LHFPL3: variants seen among roughly 807,000 people sequenced by gnomAD.
LHFPL3 encodes LHFPL tetraspan subfamily member 3 protein.
A neutral mutation model predicts 19.3 loss-of-function variants in LHFPL3; 5 were observed. The observed-to-expected ratio is 0.26, with a 90% CI of 0.14 to 0.54. The LOEUF is 0.54. LHFPL3 is among the 20% of genes least tolerant of loss of function. The probability of loss-of-function intolerance (pLI) is 0.94; values close to 1 mark genes in which losing one functional copy is unlikely to be tolerated. For missense variants in LHFPL3, 249 were observed against 307.4 expected (o/e 0.81, Z 1.42); for synonymous variants, 133 against 126.2 (o/e 1.05, Z -0.36).
Position 104,399,737 on chromosome 7 carries a change from G to T in LHFPL3, c.445+70513G>T, listed in dbSNP as rs1158828695. Among the ~76,000 whole-genome samples the T allele has an allele frequency of 6.6e-6, 1 of 150,678 alleles. No individual in the cohort carries two copies. Among genetic ancestry groups the T allele is most frequent in the Non-Finnish European group, 1.5e-5 (1 of 67,824 alleles). On this transcript the variant is annotated intron_variant, in intron 1 of 2. Coordinates refer to ENST00000424859, the MANE Select transcript of LHFPL3 (RefSeq NM_199000.3). The surrounding 1 kb of genome is among the most constrained non-coding windows in gnomAD (Gnocchi z 4.4). ...TCCGCCCACCTCGGCCTCCCAAAGT[G>T]CTGGGATTACAGTTGTAAGCCACTG...
At chr7:104,353,407 A>G (rs571162633) in intron 1 of LHFPL3, among the ~76,000 whole-genome samples, 4 of 152,342 alleles carry the variant, frequency 2.6e-5, no homozygotes, top group African/African-American at 9.6e-5. Flanking sequence ...ACATTCTGTC[A>G]CTGAATCACA....
intron 1 of LHFPL3, among the ~76,000 whole-genome samples, chr7:104,687,375 T>C (rs1792826406): frequency 6.6e-6 from 1 of 152,194 alleles, no homozygotes. Flanking sequence ...TTTTGGGTTT[T>C]TATAGAGGCC....
intron 1 of LHFPL3, among the ~76,000 whole-genome samples, chr7:104,456,838 C>T (rs1487962000): frequency 6.6e-6 from 1 of 152,052 alleles, no homozygotes; most frequent in Non-Finnish European, 1.5e-5. Flanking sequence ...GATTCATGTC[C>T]CAAGGTGTGA....
chr7:104,659,396 C>T (rs537761460), intron 1 of LHFPL3, among the ~76,000 whole-genome samples: 1 of 152,204 alleles, frequency 6.6e-6, no homozygotes, highest in Non-Finnish European at 1.5e-5. Flanking sequence ...AAGATGGGAT[C>T]CAGACTTCCA....
At chr7:104,779,937 A>G (rs984586039) in intron 2 of LHFPL3, among the ~76,000 whole-genome samples, 1 of 152,110 alleles carries the variant, frequency 6.6e-6, no homozygotes. Context: ...CTAAACTTTA[A>G]TCTATGTGAT....
chr7:104,345,009 G>T (rs1334584250), intron 1 of LHFPL3, among the ~76,000 whole-genome samples: 2 of 152,124 alleles, frequency 1.3e-5, no homozygotes, highest in African/African-American at 2.4e-5. Flanking sequence ...ACGTTTAATA[G>T]AGTTATCTCA....
chr7:104,539,267 A>G (rs888218173), intron 1 of LHFPL3, among the ~76,000 whole-genome samples: 1 of 152,214 alleles, frequency 6.6e-6, no homozygotes, highest in African/African-American at 2.4e-5. Flanking sequence ...GGAATGGAGA[A>G]CCCAAAGTTA....
intron 1 of LHFPL3, among the ~76,000 whole-genome samples, chr7:104,462,293 T>C (rs1244205092): frequency 6.6e-6 from 1 of 152,200 alleles, no homozygotes; most frequent in Non-Finnish European, 1.5e-5. Context: ...ATAGGAGTTG[T>C]AGGAGAGGGC....
Position 104,641,811 on chromosome 7 carries a change from T to C in LHFPL3, c.446-94864T>C, listed in dbSNP as rs529086732. Among the ~76,000 whole-genome samples the C allele has an allele frequency of 7.9e-5, 12 of 152,290 alleles. No individual in the cohort carries two copies. In the South Asian group the frequency reaches 2.5e-3, roughly 32 times the overall value. On this transcript the variant is annotated intron_variant, in intron 1 of 2. Coordinates refer to ENST00000424859, the MANE Select transcript of LHFPL3 (RefSeq NM_199000.3). ...AAGATTCGGTTCTATCAGAACTTCA[T>C]TTTATTATTTATAGGTATAGAAAAA...
intron 1 of LHFPL3, among the ~76,000 whole-genome samples, chr7:104,412,817 T>G (rs1243695166): frequency 1.3e-5 from 2 of 152,174 alleles, no homozygotes; most frequent in African/African-American, 4.8e-5. Context: ...TTGTTTACCA[T>G]AAGCAATCCT....
chr7:104,780,071 C>A (rs2116420759), intron 2 of LHFPL3, among the ~76,000 whole-genome samples: 1 of 152,302 alleles, frequency 6.6e-6, no homozygotes, highest in African/African-American at 2.4e-5. Flanking sequence ...TTGTTAACAC[C>A]AGCCCTTGGC....
chr7:104,860,943 C>G (rs1220608930), intron 2 of LHFPL3, among the ~76,000 whole-genome samples: 1 of 152,144 alleles, frequency 6.6e-6, no homozygotes, highest in Non-Finnish European at 1.5e-5. Flanking sequence ...ATGTTTTTAT[C>G]AATACAACTA....
chr7:104,866,939 AC>A (rs1437403985), intron 2 of LHFPL3, among the ~76,000 whole-genome samples: 1 of 152,236 alleles, frequency 6.6e-6, no homozygotes, highest in Non-Finnish European at 1.5e-5. Flanking sequence ...AAACTGCTCA[AC>A]TACATGGAAA....
intron 1 of LHFPL3, among the ~76,000 whole-genome samples, chr7:104,469,686 A>G (rs193000581): frequency 6.6e-5 from 10 of 152,280 alleles, no homozygotes; most frequent in Non-Finnish European, 1.5e-5. Flanking sequence ...ATTACCTTTA[A>G]CAGTGGTAGA....
chr7:104,421,232 A>G (rs192583282), intron 1 of LHFPL3, among the ~76,000 whole-genome samples: 2 of 152,352 alleles, frequency 1.3e-5, no homozygotes, highest in East Asian at 1.9e-4. Flanking sequence ...AGTTTTAAGT[A>G]TAACTATAGT....
chr7:104,530,453 G>A (rs1213610516), intron 1 of LHFPL3, among the ~76,000 whole-genome samples: 1 of 152,208 alleles, frequency 6.6e-6, no homozygotes, highest in Non-Finnish European at 1.5e-5. Flanking sequence ...CAGACTGAGA[G>A]TACGGATGGT....
At chr7:104,648,877 A>G (rs1173834880) in intron 1 of LHFPL3, among the ~76,000 whole-genome samples, 1 of 152,234 alleles carries the variant, frequency 6.6e-6, no homozygotes. Flanking sequence ...TCAGAGTAAC[A>G]CATAAGAATA....
At chr7:104,496,404 A>G (rs567546407) in intron 1 of LHFPL3, among the ~76,000 whole-genome samples, 25 of 152,250 alleles carry the variant, frequency 1.6e-4, no homozygotes, top group Admixed American at 9.1e-4. Flanking sequence ...AGTCTTTGCT[A>G]TTCTGAATAG....
At chr7:104,839,238 G>A (rs551587583) in intron 2 of LHFPL3, among the ~76,000 whole-genome samples, 2 of 152,290 alleles carry the variant, frequency 1.3e-5, no homozygotes, top group Admixed American at 6.5e-5. Flanking sequence ...TGTAAAACAG[G>A]GAGCTTAACT....
Sources: gnomAD v4.1 joint callset for allele counts (sites outside exome capture counted in the v4.1 genomes callset) on GRCh38, gnomAD v4.1.1 for gene constraint, Gnocchi (gnomAD v3.1) non-coding constraint, MANE v1.5 for transcripts, NCBI Gene and HGNC (gene_info 2026-07-23, HGNC 2026-07-21) for gene names.